Variants in CSMD1 observed in about 807,000 individuals in gnomAD.
The protein encoded by CSMD1 is CUB and sushi domain-containing protein 1.
Under a neutral mutation model 417.5 loss-of-function variants are expected in CSMD1, and 213 were observed. That is an observed-to-expected ratio of 0.51 (90% confidence interval 0.46 to 0.57). CSMD1 has a LOEUF of 0.57. Among genes scored for constraint, CSMD1 ranks in the 20% least tolerant of loss-of-function variants. CSMD1 has a pLI of 0.00. For missense variants in CSMD1, 6,923 were observed against 4,529.7 expected, an observed-to-expected ratio of 1.53 and a Z score of -15.17; for synonymous variants, 2,862 against 1,736.8, an observed-to-expected ratio of 1.65 and a Z score of -16.11.
chr8:3,948,256 G>A (rs933370141), intron 5 of CSMD1, among the ~76,000 whole-genome samples: 1 of 152,004 alleles, frequency 6.6e-6, no homozygotes, highest in Non-Finnish European at 1.5e-5. Context: ...CATAGTATGT[G>A]CTATATATAT....
chr8:4,793,411 C>T (rs999432941), intron 1 of CSMD1, among the ~76,000 whole-genome samples: 1 of 151,914 alleles, frequency 6.6e-6, no homozygotes, highest in Non-Finnish European at 1.5e-5. Context: ...AAAAATTTCA[C>T]CTTTTCCCTC....
In CSMD1 at chr8:3,164,449, C is replaced by A. The variant is rs558676078; in HGVS notation, c.5726-2172G>T. ...ACTGCTAAATATGAAAAAATATATA[C>A]AATCACTTAGGCCTTTAACTTCTTT... is the stretch of plus-strand genomic sequence containing the variant. On this transcript the variant is annotated intron_variant, in intron 37 of 69. Coordinates refer to ENST00000635120, the MANE Select transcript of CSMD1 (RefSeq NM_033225.6). Among the ~76,000 whole-genome samples, 4 of 152,232 alleles carry A rather than the reference C, an allele frequency of 2.6e-5. No individual in the cohort carries two copies. In the East Asian group the frequency reaches 7.7e-4, roughly 29 times the overall value.
At chr8:4,415,101 C>G (rs947349284) in intron 3 of CSMD1, among the ~76,000 whole-genome samples, 1 of 152,106 alleles carries the variant, frequency 6.6e-6, no homozygotes, top group Non-Finnish European at 1.5e-5. Flanking sequence ...AGTAAGTTTT[C>G]TATTGCAAGG....
intron 3 of CSMD1, among the ~76,000 whole-genome samples, chr8:4,201,271 G>T (rs1016278029): frequency 1.3e-5 from 2 of 152,186 alleles, no homozygotes; most frequent in East Asian, 3.9e-4. Context: ...GGGCGCAGTG[G>T]CTCACGCCTG....
intron 3 of CSMD1, among the ~76,000 whole-genome samples, chr8:4,348,982 C>T (rs1321159570): frequency 2.0e-5 from 3 of 152,124 alleles, no homozygotes; most frequent in African/African-American, 7.2e-5. Context: ...TATGCAAAAA[C>T]AGGACAAACT....
chr8:3,233,470 C>T (rs1437041872), intron 26 of CSMD1, among the ~76,000 whole-genome samples: 1 of 152,206 alleles, frequency 6.6e-6, no homozygotes, highest in South Asian at 2.1e-4. Flanking sequence ...TATAAATTAC[C>T]CAGTTTCAGA....
intron 1 of CSMD1, among the ~76,000 whole-genome samples, chr8:4,819,822 A>G (rs1002568522): frequency 1.3e-5 from 2 of 152,086 alleles, no homozygotes; most frequent in East Asian, 3.9e-4. Context: ...TGGAGGTTCC[A>G]TTCCTCCAAC....
At chr8:4,855,142 C>A (rs962903818) in intron 1 of CSMD1, among the ~76,000 whole-genome samples, 5 of 151,468 alleles carry the variant, frequency 3.3e-5, no homozygotes, top group Admixed American at 6.6e-5. Context: ...AGGCACCCCC[C>A]AGCAGGGGCA....
chr8:3,927,746 T>C (rs1403137270), intron 5 of CSMD1, among the ~76,000 whole-genome samples: 1 of 152,180 alleles, frequency 6.6e-6, no homozygotes, highest in African/African-American at 2.4e-5. Flanking sequence ...AAGATGCTAA[T>C]TTGATTGCGT....
chr8:4,439,822 T>A (rs1339894566), intron 2 of CSMD1, among the ~76,000 whole-genome samples: 1 of 151,972 alleles, frequency 6.6e-6, no homozygotes, highest in African/African-American at 2.4e-5. Flanking sequence ...GGGGTGAAAA[T>A]TAAAGGCACT....
At chr8:3,054,857 C>G (rs1448798330) in intron 49 of CSMD1, among the ~76,000 whole-genome samples, 2 of 152,176 alleles carry the variant, frequency 1.3e-5, no homozygotes, top group South Asian at 2.1e-4. Context: ...GTGGAAGCAA[C>G]AGATCTGTGG....
chr8:3,365,583 C>A (rs1485624274), intron 20 of CSMD1, among the ~76,000 whole-genome samples: 1 of 152,112 alleles, frequency 6.6e-6, no homozygotes, highest in African/African-American at 2.4e-5. Context: ...CACATGCAGA[C>A]GAACCATGTC....
At chr8:2,995,447 G>C (rs554026589) in intron 54 of CSMD1, among the ~76,000 whole-genome samples, 32 of 152,176 alleles carry the variant, frequency 2.1e-4, no homozygotes, top group Non-Finnish European at 4.3e-4. Context: ...TGTTGGGTAG[G>C]GATGACAAAT....
chr8:3,589,679 C>T (rs1423356662), intron 8 of CSMD1, among the ~76,000 whole-genome samples: 1 of 151,910 alleles, frequency 6.6e-6, no homozygotes, highest in African/African-American at 2.4e-5. Flanking sequence ...AGGAGATCTA[C>T]TACACAGCAT....
chr8:4,184,148 A>C (rs753471865), intron 3 of CSMD1, among the ~76,000 whole-genome samples: 1 of 152,224 alleles, frequency 6.6e-6, no homozygotes, highest in East Asian at 1.9e-4. Context: ...ATATAAATGC[A>C]TAACTATGAA....
chr8:3,232,952 C>T (rs1484745325), intron 26 of CSMD1, among the ~76,000 whole-genome samples: 1 of 151,722 alleles, frequency 6.6e-6, no homozygotes, highest in Non-Finnish European at 1.5e-5. Context: ...AAAAAAAAAT[C>T]TTAAATTAGA....
chr8:4,623,627 A>G (rs1801906295), intron 2 of CSMD1, among the ~76,000 whole-genome samples: 1 of 152,144 alleles, frequency 6.6e-6, no homozygotes, highest in African/African-American at 2.4e-5. Flanking sequence ...ATAGCTGTAT[A>G]TTGGAATTCT....
intron 3 of CSMD1, among the ~76,000 whole-genome samples, chr8:4,386,208 G>A (rs532718174): frequency 6.6e-6 from 1 of 151,364 alleles, no homozygotes; most frequent in Non-Finnish European, 1.5e-5. Context: ...TCCATCCCTG[G>A]TTATGACTTC....
chr8:3,979,464 AG>A (rs1211493560), intron 5 of CSMD1, among the ~76,000 whole-genome samples: 1 of 152,204 alleles, frequency 6.6e-6, no homozygotes, highest in Non-Finnish European at 1.5e-5. Context: ...CACAGGATAC[AG>A]TGTGTCTTTG....
Sources: gnomAD v4.1 joint callset for allele counts (sites outside exome capture counted in the v4.1 genomes callset) on GRCh38, gnomAD v4.1.1 for gene constraint, MANE v1.5 for transcripts, NCBI Gene and HGNC (gene_info 2026-07-23, HGNC 2026-07-21) for gene names.